B4GALT5: variants seen among roughly 807,000 people sequenced by gnomAD.
B4GALT5 encodes the protein beta-1,4-galactosyltransferase 5.
B4GALT5 carries 11 observed loss-of-function variants against 45.0 expected under a neutral mutation model. The ratio of observed to expected loss-of-function variants is 0.24; its 90% CI spans 0.15 to 0.40. B4GALT5 has a LOEUF of 0.40. B4GALT5 is among the 10% of genes least tolerant of loss of function. B4GALT5 has a pLI of 1.00. For missense variants in B4GALT5, 337 were observed against 500.2 expected (o/e 0.67, Z 3.11); for synonymous variants, 185 against 182.9 (o/e 1.01, Z -0.09).
intron 2 of B4GALT5, among the ~76,000 whole-genome samples, chr20:49,655,500 C>A (rs1601252669): frequency 6.6e-6 from 1 of 152,234 alleles, no homozygotes. Flanking sequence ...AATCATGAAT[C>A]CTTAGTAAGA....
chr20:49,633,689 GC>G lies in B4GALT5; in HGVS notation c.*2622del, dbSNP rs1358569821. 6.6e-6 allele frequency: 1 copy of G among 152,164 alleles called. No homozygotes were observed. The highest frequency in any genetic ancestry group is 1.5e-5 in the Non-Finnish European group (1 of 68,022). 9.4% of individuals were successfully genotyped at this position (152,164 alleles called of 1,614,324 possible). On this transcript the variant is annotated 3_prime_UTR_variant, in exon 9 of 9. Transcript: ENST00000371711. ...CAGCATTTTCTAAAGTCAGGTGTTA[GC>G]CTTTTGCCAACAGTGTGTACTTGAT...
chr20:49,647,157 GTCTT>G (rs1469899384), intron 2 of B4GALT5, 79 bp from the exon 3 acceptor site: 1 of 812,456 alleles, frequency 1.2e-6, no homozygotes, highest in South Asian at 1.7e-5. Flanking sequence ...TACCAAGTAA[GTCTT>G]TCTCTTAGCT....
At chr20:49,653,793 T>C (rs2085631531) in intron 2 of B4GALT5, among the ~76,000 whole-genome samples, 1 of 152,156 alleles carries the variant, frequency 6.6e-6, no homozygotes, top group South Asian at 2.1e-4. Context: ...ACCAGAGAGA[T>C]GCAAGGAAAA....
At chr20:49,646,519 T>C (rs2085599876) in intron 3 of B4GALT5, among the ~76,000 whole-genome samples, 1 of 152,178 alleles carries the variant, frequency 6.6e-6, no homozygotes. Context: ...CTGCACAGGT[T>C]TGCAGCCCAG....
chr20:49,686,728 C>CAA (rs59766440), intron 1 of B4GALT5, among the ~76,000 whole-genome samples: 3,025 of 59,186 alleles, frequency 0.051, 76 homozygotes, highest in East Asian at 0.11. Context: ...TGTCTCTGCC[C>CAA]AAAAAAAAAA....
At chr20:49,669,756 T>C (rs1441838442) in intron 1 of B4GALT5, among the ~76,000 whole-genome samples, 2 of 149,540 alleles carry the variant, frequency 1.3e-5, no homozygotes, top group Non-Finnish European at 3.0e-5. Flanking sequence ...GCCGGAGGAG[T>C]TGCCTTGCTT....
intron 3 of B4GALT5, among the ~76,000 whole-genome samples, chr20:49,645,632 C>T (rs1324733060): frequency 6.6e-6 from 1 of 151,810 alleles, no homozygotes; most frequent in Non-Finnish European, 1.5e-5. Flanking sequence ...GCCTATAATC[C>T]CAGCTACTCG....
intron 3 of B4GALT5, among the ~76,000 whole-genome samples, chr20:49,644,974 A>G (rs925142909): frequency 6.6e-6 from 1 of 152,236 alleles, no homozygotes; most frequent in Non-Finnish European, 1.5e-5. Context: ...AAGAAGCCTA[A>G]AAGTATAGGA....
chr20:49,650,552 G>A (rs1011056160), intron 2 of B4GALT5, among the ~76,000 whole-genome samples: 3 of 151,568 alleles, frequency 2.0e-5, no homozygotes, highest in Admixed American at 1.3e-4. Flanking sequence ...AAGGAGAATC[G>A]CTTGAACCCA....
At chr20:49,656,786 T>C in intron 1 of B4GALT5, 84 bp from the exon 2 acceptor site, 3 of 1,563,986 alleles carry the variant, frequency 1.9e-6, no homozygotes, top group Non-Finnish European at 2.6e-6. Context: ...GGATTTTTTT[T>C]TCTTTTTGGA....
At chr20:49,646,517 G>C (rs2085599856) in intron 3 of B4GALT5, among the ~76,000 whole-genome samples, 1 of 152,128 alleles carries the variant, frequency 6.6e-6, no homozygotes, top group Non-Finnish European at 1.5e-5. Flanking sequence ...TGCTGCACAG[G>C]TTTGCAGCCC....
rs554341414 is a variant in B4GALT5 at position 49,679,153 on chromosome 20, G to A, written c.116-22451C>T. 1.8e-3 allele frequency among the ~76,000 whole-genome samples: 275 copies of A among 152,232 alleles called. 11 individuals carry two copies. In the South Asian group the frequency reaches 0.056, roughly 31 times the overall value. On this transcript the variant is annotated intron_variant, in intron 1 of 8. Transcript: ENST00000371711. ...ATGACTCAATAGATTATGGGAAATGGCCTAAAAGTCTACTGGAAACCAGAC... is the reference window on the plus strand; with the variant it reads ...ATGACTCAATAGATTATGGGAAATGACCTAAAAGTCTACTGGAAACCAGAC...
chr20:49,662,800 A>C (rs918516053), intron 1 of B4GALT5, among the ~76,000 whole-genome samples: 2 of 152,254 alleles, frequency 1.3e-5, no homozygotes, highest in African/African-American at 4.8e-5. Flanking sequence ...AAGTTTATTC[A>C]AAATCTTGTG....
chr20:49,694,496 T>A (rs894922558), intron 1 of B4GALT5, among the ~76,000 whole-genome samples: 7 of 151,698 alleles, frequency 4.6e-5, no homozygotes, highest in Non-Finnish European at 5.9e-5. Context: ...TACAAAAAAA[T>A]TTTTTAAAAA....
intron 2 of B4GALT5, among the ~76,000 whole-genome samples, chr20:49,651,486 G>A (rs2085622268): frequency 6.6e-6 from 1 of 152,094 alleles, no homozygotes; most frequent in African/African-American, 2.4e-5. Flanking sequence ...CTACTCAGGA[G>A]GCTGAGGTAG....
At chr20:49,654,434 G>C (rs1568719380) in intron 2 of B4GALT5, among the ~76,000 whole-genome samples, 1 of 152,160 alleles carries the variant, frequency 6.6e-6, no homozygotes. Flanking sequence ...ACTTGACCCA[G>C]TGCGACCACA....
chr20:49,677,071 G>C (rs781664024), intron 1 of B4GALT5, among the ~76,000 whole-genome samples: 1 of 152,038 alleles, frequency 6.6e-6, no homozygotes, highest in South Asian at 2.1e-4. Flanking sequence ...TTTGTTCTAG[G>C]GGGTATTTCT....
chr20:49,698,976 T>C (rs942584019), intron 1 of B4GALT5, among the ~76,000 whole-genome samples: 1 of 152,084 alleles, frequency 6.6e-6, no homozygotes, highest in Non-Finnish European at 1.5e-5. Flanking sequence ...CAATTTATCG[T>C]AGCCTAAGCA....
chr20:49,709,497 C>G (rs939861531), intron 1 of B4GALT5, among the ~76,000 whole-genome samples: 10 of 152,166 alleles, frequency 6.6e-5, no homozygotes, highest in African/African-American at 2.2e-4. Context: ...CCCGGCCAGG[C>G]ACGGTGGCTC....
Sources: allele counts gnomAD v4.1 joint callset (sites outside exome capture counted in the v4.1 genomes callset), GRCh38; gene constraint gnomAD v4.1.1; transcripts MANE v1.5; gene names NCBI Gene and HGNC (gene_info 2026-07-23, HGNC 2026-07-21).